Variants in KIRREL3 observed in about 807,000 individuals in gnomAD.
The protein encoded by KIRREL3 is kirre like nephrin family adhesion molecule 3, also known as kin of IRRE-like protein 3.
In KIRREL3, 36 loss-of-function variants were observed where a neutral mutation model predicts 89.7. The ratio of observed to expected loss-of-function variants is 0.40; its 90% CI spans 0.31 to 0.53. The LOEUF is 0.53. Among genes scored for constraint, KIRREL3 ranks in the 20% least tolerant of loss-of-function variants. The pLI, the probability that KIRREL3 is intolerant of heterozygous loss-of-function variation, is 0.49. For missense variants in KIRREL3, 864 were observed against 1,056.6 expected (o/e 0.82, Z 2.53); for synonymous variants, 445 against 441.4 (o/e 1.01, Z -0.10).
chr11:126,809,122 G>A (rs1222834395), intron 1 of KIRREL3, among the ~76,000 whole-genome samples: 1 of 152,128 alleles, frequency 6.6e-6, no homozygotes, highest in Non-Finnish European at 1.5e-5. Flanking sequence ...CAATAACAGA[G>A]TCTCACAACA....
Position 126,956,949 on chromosome 11 carries a change from G to A in KIRREL3, c.55+43506C>T, listed in dbSNP as rs189606193. Among the ~76,000 whole-genome samples the A allele has an allele frequency of 3.8e-4, 58 of 152,284 alleles. No individual in the cohort carries two copies. The Middle Eastern group carries it at 0.014, about 36-fold the overall frequency. ...CCAGGCCCTGTTTTAATTTGCACTC[G>A]TGTGCACGCCTCTTGGGTTGTGTTC... is the stretch of plus-strand genomic sequence containing the variant. On this transcript the variant is annotated intron_variant, in intron 1 of 16. Transcript: ENST00000525144.
intron 1 of KIRREL3, among the ~76,000 whole-genome samples, chr11:126,833,368 C>G (rs1943673391): frequency 6.6e-6 from 1 of 152,204 alleles, no homozygotes; most frequent in South Asian, 2.1e-4. Context: ...GGCTCTGAGA[C>G]CAGTTTGCCC....
rs145185962 is a variant in KIRREL3 at position 126,593,968 on chromosome 11, A to G, written c.56-31056T>C. ...AGGTCTGTACTCTGCTCAGTGGTGG[A>G]TGCAGATGACAAATCACAAAGAGAG... On this transcript the variant is annotated intron_variant, in intron 1 of 16. Coordinates refer to ENST00000525144, the MANE Select transcript of KIRREL3 (RefSeq NM_032531.4). Among the ~76,000 whole-genome samples the G allele has an allele frequency of 1.6e-4, 25 of 152,314 alleles. 1 individual carries two copies. Among genetic ancestry groups the G allele is most frequent in the Admixed American group, 2.6e-4 (4 of 15,304 alleles).
rs891890447 is a variant in KIRREL3, at chr11:126,605,756, G to A, written c.56-42844C>T. 1.3e-5 allele frequency among the ~76,000 whole-genome samples: 2 copies of A among 152,250 alleles called. No homozygotes were observed. Among genetic ancestry groups the A allele is most frequent in the South Asian group, 4.1e-4 (2 of 4,832 alleles). On this transcript the variant is annotated intron_variant, in intron 1 of 16. Coordinates refer to ENST00000525144, the MANE Select transcript of KIRREL3 (RefSeq NM_032531.4). The surrounding 1 kb of genome is among the most constrained non-coding windows in gnomAD (Gnocchi z 5.7). ...TAGGGATGCTGGGAGTGGGAATGGG[G>A]TGGGGAAAGCATGGGGCATATGGGT...
Position 126,750,894 on chromosome 11 carries a change from T to A in KIRREL3, c.56-187982A>T, listed in dbSNP as rs1946088. On this transcript the variant is annotated intron_variant, in intron 1 of 16. Transcript: ENST00000525144. This position sits in a 1 kb window ranked among gnomAD's most constrained non-coding sequence, Gnocchi z 4.2. ...TGATAGTTATCACTTTAGGGATGGC[T>A]TTGATTTGCAGGGCACCTCTCCCTA... 0.055 allele frequency among the ~76,000 whole-genome samples: 8,355 copies of A among 152,310 alleles called. 278 individuals are homozygous for A. The highest frequency in any genetic ancestry group is 0.075 in the Admixed American group (1,143 of 15,304).
At position 126,682,784 on chromosome 11, in the gene KIRREL3, C is replaced by T. The variant is rs142163808; in HGVS notation, c.56-119872G>A. 1.0e-3 allele frequency among the ~76,000 whole-genome samples: 159 copies of T among 152,278 alleles called. 1 individual carries two copies. The highest frequency in any genetic ancestry group is 3.2e-3 in the African/African-American group (133 of 41,552). ...TGCTGATCTGACAGGAGGCAGAGTT[C>T]GGGCGGCAATGTTCACTCACCTGCC... is the stretch of plus-strand genomic sequence containing the variant. On this transcript the variant is annotated intron_variant, in intron 1 of 16. Transcript: ENST00000525144. This position sits in a 1 kb window ranked among gnomAD's most constrained non-coding sequence, Gnocchi z 4.8.
At position 126,520,570 on chromosome 11, in the gene KIRREL3, CCT is replaced by C. The variant is rs1958552863; in HGVS notation, c.433+743_433+744del. On this transcript the variant is annotated intron_variant, in intron 4 of 16. Coordinates refer to ENST00000525144, the MANE Select transcript of KIRREL3 (RefSeq NM_032531.4). The surrounding 1 kb of genome is among the most constrained non-coding windows in gnomAD (Gnocchi z 4.9). ...AGGCCTGGTTCTCAGCAGCCTTGAT[CCT>C]CGGTAACATTTGGCCAGAGGAGGGA... is the stretch of plus-strand genomic sequence containing the variant. Among the ~76,000 whole-genome samples the C allele has an allele frequency of 1.3e-5, 2 of 152,118 alleles. No individual in the cohort carries two copies. The highest frequency in any genetic ancestry group is 6.5e-5 in the Admixed American group (1 of 15,278).
rs984885885 is a variant in KIRREL3 at position 126,462,435 on chromosome 11, C to A, written c.742+722G>T. 6.6e-6 allele frequency among the ~76,000 whole-genome samples: 1 copy of A among 152,134 alleles called. No homozygotes were observed. Among genetic ancestry groups the A allele is most frequent in the Non-Finnish European group, 1.5e-5 (1 of 68,020 alleles). On this transcript the variant is annotated intron_variant, in intron 6 of 16. Transcript: ENST00000525144. The surrounding 1 kb of genome is among the most constrained non-coding windows in gnomAD (Gnocchi z 4.8). ...ATCCCAGCACTTTAGGAGGCCAAGGCGGGCGGAACACTTGAGGTCAGGAGT... is the reference window on the plus strand; with the variant it reads ...ATCCCAGCACTTTAGGAGGCCAAGGAGGGCGGAACACTTGAGGTCAGGAGT...
chr11:126,695,464 T>A (rs573277086), intron 1 of KIRREL3, among the ~76,000 whole-genome samples: 2 of 147,998 alleles, frequency 1.4e-5, no homozygotes, highest in African/African-American at 5.0e-5. Context: ...CTGAGCTCCA[T>A]GTGATTGGTA....
rs1259517581 is a variant in KIRREL3 at position 126,463,972 on chromosome 11, T to C, written c.592-665A>G. Among the ~76,000 whole-genome samples the C allele has an allele frequency of 6.6e-6, 1 of 152,160 alleles. No individual in the cohort carries two copies. Among genetic ancestry groups the C allele is most frequent in the Non-Finnish European group, 1.5e-5 (1 of 68,038 alleles). On this transcript the variant is annotated intron_variant, in intron 5 of 16. Transcript: ENST00000525144. This position sits in a 1 kb window ranked among gnomAD's most constrained non-coding sequence, Gnocchi z 5.9. The stretch of plus-strand genomic sequence containing the variant: ...GGAAATAGGTGGGCTAGACAGAGGC[T>C]ATGGAGCTTGACCAAACTCACATTT...
chr11:126,649,272 C>T (rs939063081), intron 1 of KIRREL3, among the ~76,000 whole-genome samples: 6 of 152,044 alleles, frequency 3.9e-5, no homozygotes, highest in African/African-American at 9.7e-5. Context: ...TGCTCCTGGC[C>T]CCTCCAAATC....
chr11:126,648,674 A>G (rs1047870699), intron 1 of KIRREL3, among the ~76,000 whole-genome samples: 1 of 152,192 alleles, frequency 6.6e-6, no homozygotes, highest in Non-Finnish European at 1.5e-5. Context: ...GATATTTAAA[A>G]TTTGTTGAAC....
Position 126,651,678 on chromosome 11 carries a change from T to C in KIRREL3, c.56-88766A>G, listed in dbSNP as rs1230526453. ...GTATTATGGAGATATTAATTCCATA[T>C]GAAACCTCACAATTCATTCATGTGC... On this transcript the variant is annotated intron_variant, in intron 1 of 16. Transcript: ENST00000525144. The surrounding 1 kb of genome is among the most constrained non-coding windows in gnomAD (Gnocchi z 4.6). Among the ~76,000 whole-genome samples the C allele has an allele frequency of 6.6e-6, 1 of 152,250 alleles. No individual in the cohort carries two copies. Among genetic ancestry groups the C allele is most frequent in the Admixed American group, 6.5e-5 (1 of 15,290 alleles).
intron 1 of KIRREL3, among the ~76,000 whole-genome samples, chr11:126,663,919 C>A (rs1366237823): frequency 6.6e-6 from 1 of 152,204 alleles, no homozygotes; most frequent in African/African-American, 2.4e-5. Context: ...GGAGAGCCAC[C>A]CCAGTCCTGT....
chr11:126,764,517 A>G lies in KIRREL3; in HGVS notation c.56-201605T>C, dbSNP rs1949758659. Among the ~76,000 whole-genome samples the G allele has an allele frequency of 6.6e-6, 1 of 151,072 alleles. No individual in the cohort carries two copies. The highest frequency in any genetic ancestry group is 1.5e-5 in the Non-Finnish European group (1 of 67,676). ...TCATATGCGCCTCTGATGCTCAACA[A>G]CCTTCTTTGCTGCACCCGCCGCTGC... is the stretch of plus-strand genomic sequence containing the variant. On this transcript the variant is annotated intron_variant, in intron 1 of 16. Coordinates refer to ENST00000525144, the MANE Select transcript of KIRREL3 (RefSeq NM_032531.4). The surrounding 1 kb of genome is among the most constrained non-coding windows in gnomAD (Gnocchi z 4.2).
intron 1 of KIRREL3, among the ~76,000 whole-genome samples, chr11:126,712,715 T>C (rs1234452224): frequency 6.6e-6 from 1 of 152,142 alleles, no homozygotes; most frequent in African/African-American, 2.4e-5. Context: ...CCTCTGAGGT[T>C]GGCGACAACC....
rs1958546643 is a variant in KIRREL3, at chr11:126,520,373, C to T, written c.433+942G>A. The stretch of plus-strand genomic sequence containing the variant: ...GGGCAGGTAGCCCTGGAGCCCTGGC[C>T]AGGAGCCCATGGGCCAAGCTCTTTG... On this transcript the variant is annotated intron_variant, in intron 4 of 16. Transcript: ENST00000525144. This position sits in a 1 kb window ranked among gnomAD's most constrained non-coding sequence, Gnocchi z 4.9. Among the ~76,000 whole-genome samples, 1 of 152,150 alleles carries T rather than the reference C, an allele frequency of 6.6e-6. No individual in the cohort carries two copies.
rs776869731 is a variant in KIRREL3 at position 126,891,992 on chromosome 11, G to GC, written c.55+108462dup. Among the ~76,000 whole-genome samples the GC allele has an allele frequency of 6.6e-6, 1 of 152,150 alleles. No homozygotes were observed. The highest frequency in any genetic ancestry group is 1.5e-5 in the Non-Finnish European group (1 of 68,018). On this transcript the variant is annotated intron_variant, in intron 1 of 16. Coordinates refer to ENST00000525144, the MANE Select transcript of KIRREL3 (RefSeq NM_032531.4). This position sits in a 1 kb window ranked among gnomAD's most constrained non-coding sequence, Gnocchi z 5.1. ...CCACTGCCAGCATTGGGAATGGTTG[G>GC]CTCCCTTCCCCTTCCTTCCATGCCC...
At chr11:126,824,866 C>G (rs1259845365) in intron 1 of KIRREL3, among the ~76,000 whole-genome samples, 2 of 152,178 alleles carry the variant, frequency 1.3e-5, no homozygotes, top group East Asian at 3.9e-4. Context: ...TTGATTTACA[C>G]TGTCGGAGGT....
Sources: gnomAD v4.1 joint callset for allele counts (sites outside exome capture counted in the v4.1 genomes callset) on GRCh38, gnomAD v4.1.1 for gene constraint, Gnocchi (gnomAD v3.1) non-coding constraint, MANE v1.5 for transcripts, NCBI Gene and HGNC (gene_info 2026-07-23, HGNC 2026-07-21) for gene names.